The following MOV10L1 variants were observed in gnomAD, a reference collection of about 807,000 sequenced individuals.
The protein encoded by MOV10L1 is RNA helicase Mov10l1.
A neutral mutation model predicts 143.8 loss-of-function variants in MOV10L1; 110 were observed. That is an observed-to-expected ratio of 0.76 (90% confidence interval 0.66 to 0.90). MOV10L1 has a LOEUF of 0.90. Ranked by LOEUF, MOV10L1 falls within the 40% of genes least tolerant of loss-of-function variation. The probability of loss-of-function intolerance (pLI) is 0.00; values close to 1 mark genes in which losing one functional copy is unlikely to be tolerated. For missense variants in MOV10L1, 1,406 were observed against 1,526.8 expected (o/e 0.92, Z 1.32); for synonymous variants, 593 against 581.1 (o/e 1.02, Z -0.29).
intron 12 of MOV10L1, among the ~76,000 whole-genome samples, chr22:50,126,748 G>A (rs2062518319): frequency 6.6e-6 from 1 of 152,170 alleles, no homozygotes; most frequent in Non-Finnish European, 1.5e-5. Context: ...ACTGGGATCT[G>A]CATGAGAAGG....
rs1189887397 is a variant in MOV10L1, at chr22:50,142,083, T to G, written c.2073T>G (p.Asn691Lys). 6.2e-7 allele frequency: 1 copy of G among 1,605,758 alleles called. No individual in the cohort carries two copies. Among genetic ancestry groups the G allele is most frequent in the African/African-American group, 1.3e-5 (1 of 74,350 alleles). Reference sequence around the variant, plus strand: ...TTTTTCTGCCTGATAATTTCTAGAATAGGAAAACAATGACGGACCAAGCTG... The same window carrying G: ...TTTTTCTGCCTGATAATTTCTAGAAGAGGAAAACAATGACGGACCAAGCTG... ...KSSGQSTSKK[N>K]RKTMTDQAEH... is the part of the protein sequence containing the mutation. Residue 691 changes from asparagine (N) to lysine (K), a missense_variant and splice_region_variant, in exon 16 of 27, where the codon AAT becomes AAG. Asn to Lys is a moderately conservative substitution (Grantham distance 94). This residue lies in a region of MOV10L1 where 1,233 missense variants were observed against 1,351.4 expected (regional missense o/e 0.91). Coordinates refer to ENST00000262794, the MANE Select transcript of MOV10L1 (RefSeq NM_018995.3).
chr22:50,108,546 G>C (rs1042974585), intron 4 of MOV10L1, 111 bp from the exon 5 acceptor site: 6 of 1,223,816 alleles, frequency 4.9e-6, no homozygotes, highest in African/African-American at 1.5e-5. Context: ...TGGCGGACTT[G>C]AGCTTCCTGG....
chr22:50,151,348 T>C (rs919466751), intron 21 of MOV10L1, among the ~76,000 whole-genome samples: 1 of 152,212 alleles, frequency 6.6e-6, no homozygotes, highest in African/African-American at 2.4e-5. Flanking sequence ...GGGCCCATCA[T>C]TCAACAGTGA....
intron 19 of MOV10L1, 73 bp downstream of exon 19, chr22:50,145,883 T>G: frequency 6.3e-7 from 1 of 1,590,942 alleles, no homozygotes; most frequent in Admixed American, 1.7e-5. Flanking sequence ...AGCTTCTGTC[T>G]GAGGGGCGGA....
rs773445663 is a variant in MOV10L1 at position 50,108,128 on chromosome 22, G to A, written c.443-8G>A. The stretch of plus-strand genomic sequence containing the variant: ...ACACTACCATGGCTTTTTTCCTGGC[G>A]GTTTTAGGCTTCGAGCCCTGCAAGG... On this transcript the variant is annotated splice_polypyrimidine_tract_variant and splice_region_variant and intron_variant, in intron 3 of 26. Coordinates refer to ENST00000262794, the MANE Select transcript of MOV10L1 (RefSeq NM_018995.3). The A allele has an allele frequency of 9.3e-6, 15 of 1,611,140 alleles. No homozygotes were observed. The highest frequency in any genetic ancestry group is 1.7e-5 in the Admixed American group (1 of 59,624).
chr22:50,107,885 G>A (rs2061915853), intron 3 of MOV10L1, among the ~76,000 whole-genome samples: 2 of 152,232 alleles, frequency 1.3e-5, no homozygotes, highest in African/African-American at 4.8e-5. Context: ...ACTGCCACGA[G>A]CATGCACACT....
intron 3 of MOV10L1, among the ~76,000 whole-genome samples, chr22:50,106,026 T>C (rs576064976): frequency 2.0e-5 from 3 of 152,260 alleles, no homozygotes; most frequent in Non-Finnish European, 4.4e-5. Flanking sequence ...GTTAACATCC[T>C]GTTATCACTG....
intron 25 of MOV10L1, 36 bp from the exon 26 acceptor site, chr22:50,160,928 T>G (rs1395892740): frequency 6.2e-7 from 1 of 1,613,744 alleles, no homozygotes. Flanking sequence ...GGGCCTTCAC[T>G]TGCTCTCACA....
Position 50,125,420 on chromosome 22 carries a change from A to C in MOV10L1, c.1598A>C (p.Lys533Thr). The change falls in exon 11 of 27, where the codon AAG becomes ACG. Residue 533 changes from lysine to threonine, a missense_variant. Around this residue, in one of 3 missense-constraint regions of MOV10L1, gnomAD observed 1,233 missense variants for 1,351.4 expected, o/e 0.91. Transcript: ENST00000262794. Reference protein sequence around the residue: ...ELLNMSNYKEKFSTLLWLEEI... With the variant: ...ELLNMSNYKETFSTLLWLEEI... Reference sequence around the variant, plus strand: ...CTGAACATGTCAAATTACAAGGAGAAGTTTTCGACTTTGCTGTGGCTTGAG... The same window carrying C: ...CTGAACATGTCAAATTACAAGGAGACGTTTTCGACTTTGCTGTGGCTTGAG... 1 of 1,614,184 alleles carries C rather than the reference A, an allele frequency of 6.2e-7. No homozygotes were observed. Among genetic ancestry groups the C allele is most frequent in the Non-Finnish European group, 8.5e-7 (1 of 1,180,024 alleles).
At chr22:50,121,754 C>T (rs1401581032) in intron 10 of MOV10L1, among the ~76,000 whole-genome samples, 1 of 152,188 alleles carries the variant, frequency 6.6e-6, no homozygotes, top group Non-Finnish European at 1.5e-5. Context: ...GGACCCAGGT[C>T]TGCTGGGCTT....
chr22:50,109,142 CAAAAAA>C (rs1569280383), intron 5 of MOV10L1, among the ~76,000 whole-genome samples: 1 of 151,714 alleles, frequency 6.6e-6, no homozygotes, highest in African/African-American at 2.4e-5. Context: ...AACTCCGTCT[CAAAAAA>C]AGAAAACGCT....
intron 5 of MOV10L1, among the ~76,000 whole-genome samples, chr22:50,112,821 G>A (rs1308360797): frequency 2.0e-5 from 3 of 152,236 alleles, no homozygotes; most frequent in Admixed American, 6.5e-5. Context: ...CGCATCTGAC[G>A]ACTCCTTTCT....
chr22:50,108,866 C>A, intron 5 of MOV10L1, 22 bp downstream of exon 5: 1 of 1,611,382 alleles, frequency 6.2e-7, no homozygotes, highest in Non-Finnish European at 8.5e-7. Flanking sequence ...CTTTTCTGGC[C>A]AGGTGCGGTG....
chr22:50,099,624 C>G lies in MOV10L1; in HGVS notation c.442+22C>G, dbSNP rs202192985. ...GAAGGTATGCTCAGGGGTCTGTGTT[C>G]CACATTGAAAATTAGGTTTTGTCTT... is the stretch of plus-strand genomic sequence containing the variant. On this transcript the variant is annotated intron_variant, in intron 3 of 26. Transcript: ENST00000262794. 362 of 1,584,384 alleles carry G rather than the reference C, an allele frequency of 2.3e-4. 1 individual carries two copies. The highest frequency in any genetic ancestry group is 1.7e-3 in the Middle Eastern group (10 of 5,912).
chr22:50,153,035 C>G lies in MOV10L1; in HGVS notation c.2893-10C>G, dbSNP rs1160495506. ...CCTTCCCCTTGTGACCCATCACCAT[C>G]TCCTCGCAGGTCACAAAGCTGGTGA... On this transcript the variant is annotated splice_polypyrimidine_tract_variant and intron_variant, in intron 21 of 26. Transcript: ENST00000262794. 5 of 1,587,520 alleles carry G rather than the reference C, an allele frequency of 3.1e-6. No individual in the cohort carries two copies. Among genetic ancestry groups the G allele is most frequent in the Non-Finnish European group, 8.6e-7 (1 of 1,160,916 alleles).
At chr22:50,161,117 C>A (rs530093393) in intron 26 of MOV10L1, 62 bp downstream of exon 26, 1 of 1,479,764 alleles carries the variant, frequency 6.8e-7, no homozygotes, top group South Asian at 1.1e-5. Flanking sequence ...CTAGCCTGCC[C>A]TCCCCTGCTC....
chr22:50,105,694 G>A (rs2061849189), intron 3 of MOV10L1, among the ~76,000 whole-genome samples: 1 of 152,190 alleles, frequency 6.6e-6, no homozygotes, highest in African/African-American at 2.4e-5. Context: ...AGTAAAAGGA[G>A]CATCATCACA....
At chr22:50,133,865 C>G in intron 13 of MOV10L1, 142 bp from the exon 14 acceptor site, 1 of 747,798 alleles carries the variant, frequency 1.3e-6, no homozygotes. Flanking sequence ...TTTCTGTTCT[C>G]TATTTCATTG....
chr22:50,133,445 CAG>C (rs1185076597), intron 13 of MOV10L1, among the ~76,000 whole-genome samples: 2 of 137,070 alleles, frequency 1.5e-5, no homozygotes, highest in Non-Finnish European at 3.1e-5. Context: ...GGCAACAGAG[CAG>C]AGTCTCTAAA....
Sources: gnomAD v4.1 joint callset for allele counts (sites outside exome capture counted in the v4.1 genomes callset) on GRCh38, gnomAD v4.1.1 for gene constraint, gnomAD v4.1.1 regional missense constraint, MANE v1.5 for transcripts, NCBI Gene and HGNC (gene_info 2026-07-23, HGNC 2026-07-21) for gene names.